CLIP1: variants seen among roughly 807,000 people sequenced by gnomAD.
CLIP1 encodes CAP-Gly domain-containing linker protein 1.
CLIP1 carries 66 observed loss-of-function variants against 161.6 expected under a neutral mutation model. The ratio of observed to expected loss-of-function variants is 0.41; its 90% CI spans 0.33 to 0.50. CLIP1 has a LOEUF of 0.50. Among genes scored for constraint, CLIP1 ranks in the 20% least tolerant of loss-of-function variants. CLIP1 has a pLI of 0.27. For missense variants in CLIP1, 1,376 were observed against 1,702.0 expected (o/e 0.81, Z 3.37); for synonymous variants, 598 against 626.2 (o/e 0.96, Z 0.67).
chr12:122,287,418 T>G (rs1484189384), intron 21 of CLIP1, among the ~76,000 whole-genome samples: 1 of 152,162 alleles, frequency 6.6e-6, no homozygotes, highest in Non-Finnish European at 1.5e-5. Flanking sequence ...ATGGAGAAAT[T>G]ACTGGTTATG....
intron 1 of CLIP1, among the ~76,000 whole-genome samples, chr12:122,397,286 T>C (rs953142759): frequency 1.3e-5 from 2 of 149,732 alleles, no homozygotes; most frequent in Admixed American, 6.8e-5. Context: ...CGAAAGCATG[T>C]ACTGAAGACA....
intron 19 of CLIP1, among the ~76,000 whole-genome samples, chr12:122,313,765 AC>A (rs1369083763): frequency 6.6e-6 from 1 of 152,106 alleles, no homozygotes; most frequent in African/African-American, 2.4e-5. Context: ...TAAGGGTGAA[AC>A]CAACACCACA....
intron 15 of CLIP1, among the ~76,000 whole-genome samples, chr12:122,331,943 C>T (rs1346816589): frequency 3.3e-5 from 5 of 151,432 alleles, no homozygotes; most frequent in Admixed American, 6.6e-5. Context: ...TGCAGTGAGC[C>T]GAGATCACGC....
At chr12:122,321,291 G>A (rs888529529) in intron 17 of CLIP1, among the ~76,000 whole-genome samples, 2 of 151,552 alleles carry the variant, frequency 1.3e-5, no homozygotes, top group African/African-American at 4.9e-5. Context: ...TGTTGCCCAG[G>A]CTGGAGTGCA....
Position 122,300,301 on chromosome 12 carries a change from C to G in CLIP1, c.3594+9461G>C, listed in dbSNP as rs540392830. ...AAGAAAAAAAAGACCATAACATTAGCTGAATGACATGCCAGACATCTCCAT... is the reference window on the plus strand; with the variant it reads ...AAGAAAAAAAAGACCATAACATTAGGTGAATGACATGCCAGACATCTCCAT... On this transcript the variant is annotated intron_variant, in intron 20 of 25. Coordinates refer to ENST00000620786, the MANE Select transcript of CLIP1 (RefSeq NM_001247997.2). Among the ~76,000 whole-genome samples the G allele has an allele frequency of 9.9e-5, 15 of 152,074 alleles. No individual in the cohort carries two copies. The South Asian group carries it at 2.9e-3, about 30-fold the overall frequency.
chr12:122,386,823 C>CAA (rs10538864), intron 1 of CLIP1, among the ~76,000 whole-genome samples: 10,749 of 123,942 alleles, frequency 0.087, 583 homozygotes, highest in Middle Eastern at 0.15. Context: ...CAATATGTCT[C>CAA]AAAAAAAAAA....
In CLIP1 at chr12:122,272,869, G is replaced by C. The variant is rs1235200201; in HGVS notation, c.*6C>G. On this transcript the variant is annotated 3_prime_UTR_variant, in exon 26 of 26. Coordinates refer to ENST00000620786, the MANE Select transcript of CLIP1 (RefSeq NM_001247997.2). The stretch of plus-strand genomic sequence containing the variant: ...GAGCAAGCCCAGTTCTCCACTGGAG[G>C]CTTCATCAGAAGGTTTCGTCGTCAT... The C allele has an allele frequency of 6.2e-7, 1 of 1,613,612 alleles. No individual in the cohort carries two copies. The highest frequency in any genetic ancestry group is 1.7e-5 in the Admixed American group (1 of 60,018).
At chr12:122,283,102 G>A (rs1383550705) in intron 21 of CLIP1, among the ~76,000 whole-genome samples, 2 of 152,102 alleles carry the variant, frequency 1.3e-5, no homozygotes, top group Non-Finnish European at 2.9e-5. Flanking sequence ...TTTGGCTTTG[G>A]AGCCCCTTCT....
chr12:122,278,214 A>AT lies in CLIP1; in HGVS notation c.3917-12_3917-11insA. 6.8e-7 allele frequency: 1 copy of AT among 1,461,552 alleles called. No homozygotes were observed. The highest frequency in any genetic ancestry group is 9.1e-7 in the Non-Finnish European group (1 of 1,096,472). 90.5% of individuals were successfully genotyped at this position (1,461,552 alleles called of 1,614,324 possible). ...GAGTGTCTGTATTACCTTATATTTG[A>AT]GGAAAAAAAAAAAAAAACAAGTGGA... On this transcript the variant is annotated splice_polypyrimidine_tract_variant and intron_variant, in intron 23 of 25. Transcript: ENST00000620786.
Position 122,274,081 on chromosome 12 carries a change from C to A in CLIP1, c.4048G>T (p.Ala1350Ser). 1 of 1,613,786 alleles carries A rather than the reference C, an allele frequency of 6.2e-7. No individual in the cohort carries two copies. Among genetic ancestry groups the A allele is most frequent in the Non-Finnish European group, 8.5e-7 (1 of 1,179,766 alleles). ...LKMKVEMMSE[A>S]ALNGNGDDLN... Reference sequence around the variant, plus strand: ...TCATCCCCGTTCCCATTCAGGGCTGCTTCTGACATCATCTCCACCTTCATC... The same window carrying A: ...TCATCCCCGTTCCCATTCAGGGCTGATTCTGACATCATCTCCACCTTCATC... The change falls in exon 25 of 26, where the codon GCA (alanine) becomes TCA (serine). Residue 1350 changes from alanine to serine, a missense_variant. Physicochemically the swap from Ala to Ser is moderately conservative, Grantham distance 99. Coordinates refer to ENST00000620786, the MANE Select transcript of CLIP1 (RefSeq NM_001247997.2).
rs1953103635 is a variant in CLIP1 at position 122,352,761 on chromosome 12, C to T, written c.1333G>A (p.Val445Ile). The change falls in exon 8 of 26, where the codon GTT becomes ATT. Residue 445 changes from valine (V) to isoleucine (I), a missense_variant. Coordinates refer to ENST00000620786, the MANE Select transcript of CLIP1 (RefSeq NM_001247997.2). ...CCTTTGGTAATTGATTCTTCTTCAA[C>T]CCGGAACTGAAGGTCCTCAACCTTC... is the stretch of plus-strand genomic sequence containing the variant. ...KRKVEDLQFR[V>I]EEESITKGDL... The T allele has an allele frequency of 6.2e-7, 1 of 1,613,894 alleles. No individual in the cohort carries two copies. Among genetic ancestry groups the T allele is most frequent in the Admixed American group, 1.7e-5 (1 of 59,974 alleles).
At chr12:122,402,550 T>C (rs1387400818) in intron 1 of CLIP1, among the ~76,000 whole-genome samples, 1 of 152,004 alleles carries the variant, frequency 6.6e-6, no homozygotes, top group Admixed American at 6.6e-5. Flanking sequence ...CCGAAGCACA[T>C]GGATCACTTG....
At chr12:122,292,830 C>T (rs1478819931) in intron 20 of CLIP1, among the ~76,000 whole-genome samples, 6 of 151,612 alleles carry the variant, frequency 4.0e-5, no homozygotes, top group South Asian at 2.1e-4. Flanking sequence ...GGTGAAACCC[C>T]GTCTCTACTA....
At chr12:122,385,373 G>A (rs1033218861) in intron 1 of CLIP1, among the ~76,000 whole-genome samples, 2 of 152,306 alleles carry the variant, frequency 1.3e-5, no homozygotes, top group African/African-American at 4.8e-5. Context: ...CTGCAGCGAC[G>A]ACACTGGATG....
intron 1 of CLIP1, among the ~76,000 whole-genome samples, chr12:122,404,531 TG>T (rs1956251834): frequency 6.7e-6 from 1 of 150,170 alleles, no homozygotes; most frequent in South Asian, 2.1e-4. Flanking sequence ...CCCGGGGAGG[TG>T]GAGGTTGCAG....
At chr12:122,292,780 G>A (rs1950298244) in intron 20 of CLIP1, among the ~76,000 whole-genome samples, 2 of 151,988 alleles carry the variant, frequency 1.3e-5, no homozygotes, top group South Asian at 4.1e-4. Flanking sequence ...GAGGCGGGCG[G>A]ATCACGAGGT....
intron 1 of CLIP1, among the ~76,000 whole-genome samples, chr12:122,413,982 T>C (rs1446234651): frequency 6.6e-6 from 1 of 152,170 alleles, no homozygotes; most frequent in African/African-American, 2.4e-5. Flanking sequence ...GTTGGCTAAT[T>C]ACACTCTGAC....
chr12:122,320,224 G>A (rs939359106), intron 17 of CLIP1, among the ~76,000 whole-genome samples: 20 of 144,892 alleles, frequency 1.4e-4, no homozygotes, highest in South Asian at 2.2e-4. Context: ...CTGAGATTGC[G>A]CCACTGCACT....
intron 1 of CLIP1, chr12:122,395,579 C>A (rs894032048): frequency 6.6e-6 from 1 of 152,124 alleles, no homozygotes; most frequent in African/African-American, 2.4e-5. Flanking sequence ...AAGAAATGTC[C>A]TTCCTCCTAA....
Sources: allele counts gnomAD v4.1 joint callset (sites outside exome capture counted in the v4.1 genomes callset), GRCh38; gene constraint gnomAD v4.1.1; transcripts MANE v1.5; gene names NCBI Gene and HGNC (gene_info 2026-07-23, HGNC 2026-07-21).